STPG1: variants seen among roughly 807,000 people sequenced by gnomAD.
STPG1 encodes the protein O(6)-methylguanine-induced apoptosis 2.
A neutral mutation model predicts 40.1 loss-of-function variants in STPG1; 33 were observed. That is an observed-to-expected ratio of 0.82 (90% CI 0.62 to 1.10). The LOEUF (loss-of-function observed/expected upper bound fraction) is 1.10. Ranked by LOEUF, STPG1 falls within the 50% of genes least tolerant of loss-of-function variation. The probability of loss-of-function intolerance (pLI) is 0.00; values close to 1 mark genes in which losing one functional copy is unlikely to be tolerated. For synonymous variants in STPG1, 150 were observed against 155.0 expected (o/e 0.97, Z 0.24); for missense variants, 396 against 415.1 (o/e 0.95, Z 0.40).
At chr1:24,361,102 T>A (rs1484813418) in intron 7 of STPG1, 61 bp from the exon 8 acceptor site, 4 of 1,457,354 alleles carry the variant, frequency 2.7e-6, no homozygotes, top group Non-Finnish European at 3.7e-6. Flanking sequence ...AGGCACAGTT[T>A]CTAGACACAG....
chr1:24,373,181 G>A (rs1375644911), intron 6 of STPG1, among the ~76,000 whole-genome samples: 2 of 152,136 alleles, frequency 1.3e-5, no homozygotes, highest in Non-Finnish European at 2.9e-5. Context: ...AACCTATGAC[G>A]GCAGACCTGC....
intron 1 of STPG1, among the ~76,000 whole-genome samples, chr1:24,404,334 A>G (rs1643337261): frequency 6.6e-6 from 1 of 152,184 alleles, no homozygotes; most frequent in African/African-American, 2.4e-5. Flanking sequence ...GTTTGCTAAA[A>G]TTCTGTTAAG....
At position 24,401,312 on chromosome 1, in the gene STPG1, C is replaced by T; in HGVS notation, c.70+7G>A. On this transcript the variant is annotated splice_region_variant and intron_variant, in intron 2 of 8. Coordinates refer to ENST00000337248, the MANE Select transcript of STPG1 (RefSeq NM_001199013.2). ...GAGCTATCTCCTCCCTGCAAAGACA[C>T]ATGTACCTTTCTGTACTTCACTGGC... 1 of 1,613,846 alleles carries T rather than the reference C, an allele frequency of 6.2e-7. No homozygotes were observed. Among genetic ancestry groups the T allele is most frequent in the Middle Eastern group, 1.7e-4 (1 of 6,058 alleles).
At chr1:24,380,620 G>A (rs1642239767) in intron 4 of STPG1, among the ~76,000 whole-genome samples, 1 of 152,168 alleles carries the variant, frequency 6.6e-6, no homozygotes, top group Non-Finnish European at 1.5e-5. Flanking sequence ...CACAGAAAGT[G>A]GGTGAGCCAA....
At chr1:24,381,902 A>G (rs1356725229) in intron 4 of STPG1, among the ~76,000 whole-genome samples, 1 of 152,204 alleles carries the variant, frequency 6.6e-6, no homozygotes, top group Non-Finnish European at 1.5e-5. Context: ...GGAATGAGGT[A>G]AAACGCAGAG....
At chr1:24,378,500 T>A (rs929572745) in intron 5 of STPG1, among the ~76,000 whole-genome samples, 1 of 152,048 alleles carries the variant, frequency 6.6e-6, no homozygotes, top group African/African-American at 2.4e-5. Flanking sequence ...CCGGGTGTGG[T>A]GGCGGGTGCC....
chr1:24,395,867 C>T (rs1262556099), intron 2 of STPG1, among the ~76,000 whole-genome samples: 1 of 151,918 alleles, frequency 6.6e-6, no homozygotes, highest in Non-Finnish European at 1.5e-5. Context: ...CCTGTAATCC[C>T]AGCTATTCAG....
intron 2 of STPG1, among the ~76,000 whole-genome samples, chr1:24,393,500 A>T (rs1642865864): frequency 6.6e-6 from 1 of 152,224 alleles, no homozygotes; most frequent in South Asian, 2.1e-4. Context: ...GAGTGTGCAG[A>T]GGAGGCAGTA....
chr1:24,407,271 T>C (rs1207232606), intron 1 of STPG1, among the ~76,000 whole-genome samples: 1 of 152,232 alleles, frequency 6.6e-6, no homozygotes, highest in Non-Finnish European at 1.5e-5. Flanking sequence ...TCAGCCATTA[T>C]TTTTTCAAAT....
chr1:24,413,307 G>C (rs538427275), intron 1 of STPG1, among the ~76,000 whole-genome samples: 1 of 152,368 alleles, frequency 6.6e-6, no homozygotes, highest in South Asian at 2.1e-4. Flanking sequence ...GTGAACCTAT[G>C]AGTAGAGATC....
At chr1:24,380,703 C>A (rs1270620393) in intron 4 of STPG1, among the ~76,000 whole-genome samples, 2 of 152,146 alleles carry the variant, frequency 1.3e-5, no homozygotes, top group East Asian at 1.9e-4. Context: ...GGTTTATGGA[C>A]CCCCACTAGC....
chr1:24,376,494 A>G (rs1408101595), intron 5 of STPG1, among the ~76,000 whole-genome samples: 2 of 152,228 alleles, frequency 1.3e-5, no homozygotes, highest in African/African-American at 4.8e-5. Flanking sequence ...AAATGTATCT[A>G]TTGGCAGAAG....
In STPG1 at chr1:24,358,626, G is replaced by A. The variant is rs367604358; in HGVS notation, c.929-7C>T. The A allele has an allele frequency of 4.3e-5, 69 of 1,610,112 alleles. No individual in the cohort carries two copies. The highest frequency in any genetic ancestry group is 5.5e-5 in the Non-Finnish European group (65 of 1,176,646). Reference sequence around the variant, plus strand: ...AGCTCTGGCTTGTACGTAGCTGTGAGGGGACAGAGAGGCGGAGGCATTAAG... The same window carrying A: ...AGCTCTGGCTTGTACGTAGCTGTGAAGGGACAGAGAGGCGGAGGCATTAAG... On this transcript the variant is annotated splice_polypyrimidine_tract_variant and splice_region_variant and intron_variant, in intron 8 of 8. Coordinates refer to ENST00000337248, the MANE Select transcript of STPG1 (RefSeq NM_001199013.2).
At chr1:24,366,025 A>G (rs1641437350) in intron 7 of STPG1, among the ~76,000 whole-genome samples, 1 of 152,204 alleles carries the variant, frequency 6.6e-6, no homozygotes, top group African/African-American at 2.4e-5. Flanking sequence ...TTTTTTGGCC[A>G]GTAACATGAG....
chr1:24,376,041 G>GA (rs1642007209), intron 5 of STPG1, among the ~76,000 whole-genome samples: 1 of 151,868 alleles, frequency 6.6e-6, no homozygotes, highest in Admixed American at 6.5e-5. Context: ...TTTGTTTTGA[G>GA]ATGGGGTCTC....
At position 24,358,450 on chromosome 1, in the gene STPG1, C is replaced by T. The variant is rs762600164; in HGVS notation, c.*93G>A. 2.8e-6 allele frequency: 3 copies of T among 1,085,210 alleles called. No individual in the cohort carries two copies. Among genetic ancestry groups the T allele is most frequent in the Non-Finnish European group, 4.3e-6 (3 of 697,642 alleles). 67.2% of individuals were successfully genotyped at this position (1,085,210 alleles called of 1,614,324 possible). Reference sequence around the variant, plus strand: ...CCACCCCCCAAGTTGTCAGCTGCCACACTCATGATCGGTCTCCTCCTGAGG... The same window carrying T: ...CCACCCCCCAAGTTGTCAGCTGCCATACTCATGATCGGTCTCCTCCTGAGG... On this transcript the variant is annotated 3_prime_UTR_variant, in exon 9 of 9. Transcript: ENST00000337248.
chr1:24,371,953 G>A (rs570824966), intron 6 of STPG1, among the ~76,000 whole-genome samples: 6 of 152,100 alleles, frequency 3.9e-5, no homozygotes, highest in South Asian at 2.1e-4. Context: ...CGAGGCAGAC[G>A]GATCACTTGA....
intron 1 of STPG1, among the ~76,000 whole-genome samples, chr1:24,409,244 C>T (rs1643523630): frequency 6.6e-6 from 1 of 152,180 alleles, no homozygotes; most frequent in Non-Finnish European, 1.5e-5. Flanking sequence ...CCTGTAGTCC[C>T]AGCTACCTTA....
At chr1:24,409,461 A>T (rs1643531688) in intron 1 of STPG1, among the ~76,000 whole-genome samples, 3 of 152,224 alleles carry the variant, frequency 2.0e-5, no homozygotes, top group African/African-American at 7.2e-5. Context: ...GCTGTTATTA[A>T]AAAATGTATT....
Sources: gnomAD v4.1 joint callset for allele counts (sites outside exome capture counted in the v4.1 genomes callset) on GRCh38, gnomAD v4.1.1 for gene constraint, MANE v1.5 for transcripts, NCBI Gene and HGNC (gene_info 2026-07-23, HGNC 2026-07-21) for gene names.